The following ADCY8 variants were observed in gnomAD, a reference collection of about 807,000 sequenced individuals.
ADCY8 encodes adenylate cyclase type 8.
A neutral mutation model predicts 119.7 loss-of-function variants in ADCY8; 51 were observed. That is an observed-to-expected ratio of 0.43 (90% CI 0.34 to 0.54). The LOEUF (loss-of-function observed/expected upper bound fraction) is 0.54, where lower values mean the gene tolerates loss of function less well. Ranked by LOEUF, ADCY8 falls within the 20% of genes least tolerant of loss-of-function variation. The probability of loss-of-function intolerance (pLI) is 0.03; values close to 1 mark genes in which losing one functional copy is unlikely to be tolerated. For synonymous variants in ADCY8, 665 were observed against 651.0 expected (o/e 1.02, Z -0.33); for missense variants, 1,383 against 1,598.8 (o/e 0.87, Z 2.30).
chr8:131,038,911 T>G (rs1320169886), intron 1 of ADCY8, among the ~76,000 whole-genome samples: 1 of 152,188 alleles, frequency 6.6e-6, no homozygotes, highest in Non-Finnish European at 1.5e-5. Context: ...CTTTGAGAAC[T>G]GAGGGTTTGT....
intron 1 of ADCY8, among the ~76,000 whole-genome samples, chr8:131,026,552 C>A (rs1823830505): frequency 6.6e-6 from 1 of 152,064 alleles, no homozygotes; most frequent in Non-Finnish European, 1.5e-5. Context: ...AAGCCTTTCC[C>A]ACAAATTATG....
chr8:130,998,346 T>C (rs34620076), intron 1 of ADCY8, among the ~76,000 whole-genome samples: 3,697 of 152,220 alleles, frequency 0.024, 47 homozygotes, highest in East Asian at 0.056. Context: ...TCATCCTCAT[T>C]TGGGAAGAGC....
At chr8:130,916,925 G>A (rs1820147740) in intron 5 of ADCY8, among the ~76,000 whole-genome samples, 1 of 152,174 alleles carries the variant, frequency 6.6e-6, no homozygotes, top group African/African-American at 2.4e-5. Flanking sequence ...CTGTGTGTGT[G>A]TCTTTAATTC....
intron 12 of ADCY8, among the ~76,000 whole-genome samples, chr8:130,824,352 GA>G (rs1017732863): frequency 4.6e-5 from 7 of 151,600 alleles, no homozygotes; most frequent in African/African-American, 1.2e-4. Context: ...TCCCATTCTA[GA>G]AAAAAAATCC....
In ADCY8 at chr8:131,015,943, C is replaced by A. The variant is rs185751011; in HGVS notation, c.960+23431G>T. 5.9e-5 allele frequency among the ~76,000 whole-genome samples: 9 copies of A among 152,218 alleles called. No homozygotes were observed. The East Asian group carries it at 1.7e-3, about 29-fold the overall frequency. ...TCTACCTAAGAATGACAGCAAACAT[C>A]AATACACAGTTATTGATGGAAATCC... is the stretch of plus-strand genomic sequence containing the variant. On this transcript the variant is annotated intron_variant, in intron 1 of 17. Coordinates refer to ENST00000286355, the MANE Select transcript of ADCY8 (RefSeq NM_001115.3).
intron 1 of ADCY8, among the ~76,000 whole-genome samples, chr8:130,992,007 A>G (rs1053217361): frequency 2.0e-5 from 3 of 151,610 alleles, no homozygotes; most frequent in Admixed American, 2.0e-4. Context: ...ATTTGGAAAT[A>G]GGCCAATAGA....
intron 2 of ADCY8, among the ~76,000 whole-genome samples, chr8:130,980,077 C>T (rs565076469): frequency 4.7e-4 from 71 of 152,134 alleles, no homozygotes; most frequent in Non-Finnish European, 7.9e-4. Flanking sequence ...CTCCTGGCTT[C>T]TTGTGGCTGC....
intron 14 of ADCY8, among the ~76,000 whole-genome samples, chr8:130,811,603 T>G (rs976151013): frequency 2.0e-5 from 3 of 152,192 alleles, no homozygotes; most frequent in African/African-American, 7.2e-5. Context: ...ATATTGCCTT[T>G]GTAGCATCCT....
Position 130,836,457 on chromosome 8 carries a change from CAG to C in ADCY8, c.2503-10_2503-9del, listed in dbSNP as rs760121251. 73 of 1,611,884 alleles carry C rather than the reference CAG, an allele frequency of 4.5e-5. 1 individual carries two copies. In the Admixed American group the frequency reaches 9.4e-4, roughly 21 times the overall value. The stretch of plus-strand genomic sequence containing the variant: ...CCCCGTGAAGACAAAGTACTGGAAA[CAG>C]AGAATGCAGGTGGTCAGATTCAATG... On this transcript the variant is annotated splice_polypyrimidine_tract_variant and intron_variant, in intron 11 of 17. Transcript: ENST00000286355.
At position 130,915,998 on chromosome 8, in the gene ADCY8, T is replaced by C. The variant is rs139156470; in HGVS notation, c.1482-6132A>G. 3.3e-5 allele frequency among the ~76,000 whole-genome samples: 5 copies of C among 152,318 alleles called. No homozygotes were observed. In the East Asian group the frequency reaches 5.8e-4, roughly 18 times the overall value. On this transcript the variant is annotated intron_variant, in intron 5 of 17. Coordinates refer to ENST00000286355, the MANE Select transcript of ADCY8 (RefSeq NM_001115.3). ...TAGTTATGGAGGTCAACTACGTTCA[T>C]TGCCCAGGGCGTTTTGTGCAGCTAT... is the stretch of plus-strand genomic sequence containing the variant.
chr8:130,800,819 T>C (rs1312826219), intron 14 of ADCY8, among the ~76,000 whole-genome samples: 1 of 152,210 alleles, frequency 6.6e-6, no homozygotes, highest in Admixed American at 6.5e-5. Context: ...GGCTAAGAAG[T>C]CCAAGATCAA....
intron 2 of ADCY8, among the ~76,000 whole-genome samples, chr8:130,969,711 C>G (rs1482346623): frequency 6.6e-6 from 1 of 152,108 alleles, no homozygotes; most frequent in African/African-American, 2.4e-5. Flanking sequence ...CTTTATTTAG[C>G]CCTAGAGCAA....
intron 1 of ADCY8, among the ~76,000 whole-genome samples, chr8:131,004,099 G>T (rs1254910563): frequency 1.3e-5 from 2 of 152,144 alleles, no homozygotes; most frequent in African/African-American, 4.8e-5. Flanking sequence ...AAGGGTGGGG[G>T]AAGATTTGCA....
intron 1 of ADCY8, among the ~76,000 whole-genome samples, chr8:130,993,381 C>G (rs1476653982): frequency 6.6e-6 from 1 of 152,146 alleles, no homozygotes; most frequent in Non-Finnish European, 1.5e-5. Context: ...AAACAATTTT[C>G]AGCAGTTTAT....
chr8:130,782,293 G>T (rs1173499426), intron 17 of ADCY8, among the ~76,000 whole-genome samples: 3 of 152,164 alleles, frequency 2.0e-5, no homozygotes, highest in Non-Finnish European at 2.9e-5. Context: ...AATTTGCAGA[G>T]AACTTTGACA....
In ADCY8 at chr8:130,814,177, C is replaced by T. The variant is rs1314080895; in HGVS notation, c.2805G>A (p.Glu935=). ...TCAGCTCCTTCATCTCATTGATCTCCTCTTTGGCCTGTACTCGCCAAAGGA... is the reference window on the plus strand; with the variant it reads ...TCAGCTCCTTCATCTCATTGATCTCTTCTTTGGCCTGTACTCGCCAAAGGA... ...LDFLWRVQAK[E]EINEMKELRE... Residue 935 remains glutamate (E), a synonymous_variant, in exon 14 of 18, where the codon GAG becomes GAA. Coordinates refer to ENST00000286355, the MANE Select transcript of ADCY8 (RefSeq NM_001115.3). 3.7e-6 allele frequency: 6 copies of T among 1,614,052 alleles called. No homozygotes were observed. The highest frequency in any genetic ancestry group is 5.1e-6 in the Non-Finnish European group (6 of 1,180,050).
intron 1 of ADCY8, among the ~76,000 whole-genome samples, chr8:131,008,433 T>A (rs1049103687): frequency 1.3e-5 from 2 of 152,190 alleles, no homozygotes; most frequent in Non-Finnish European, 2.9e-5. Context: ...GCGTCTGGCA[T>A]GTCCCCTGCT....
chr8:131,011,665 G>A (rs1026480494), intron 1 of ADCY8, among the ~76,000 whole-genome samples: 3 of 152,188 alleles, frequency 2.0e-5, no homozygotes, highest in African/African-American at 7.2e-5. Flanking sequence ...GATGTGTATT[G>A]AAGGACCTGG....
intron 2 of ADCY8, among the ~76,000 whole-genome samples, chr8:130,959,828 A>G (rs1429500223): frequency 6.6e-6 from 1 of 152,214 alleles, no homozygotes; most frequent in Non-Finnish European, 1.5e-5. Context: ...GATCATGGCT[A>G]GCATCCAGCC....
Sources: gnomAD v4.1 joint callset for allele counts (sites outside exome capture counted in the v4.1 genomes callset) on GRCh38, gnomAD v4.1.1 for gene constraint, MANE v1.5 for transcripts, NCBI Gene and HGNC (gene_info 2026-07-23, HGNC 2026-07-21) for gene names.